Variants in ANKRD55 observed in about 807,000 individuals in gnomAD.
ANKRD55 encodes the protein ankyrin repeat domain-containing protein 55.
In ANKRD55, 41 loss-of-function variants were observed where a neutral mutation model predicts 60.6. The observed-to-expected ratio is 0.68, with a 90% CI of 0.53 to 0.88. ANKRD55 has a LOEUF of 0.88. Ranked by LOEUF, ANKRD55 falls within the 40% of genes least tolerant of loss-of-function variation. The pLI is 0.00. For synonymous variants in ANKRD55, 264 were observed against 290.3 expected (o/e 0.91, Z 0.92); for missense variants, 732 against 767.6 (o/e 0.95, Z 0.55).
chr5:56,205,788 T>G (rs1323434018), intron 2 of ANKRD55, among the ~76,000 whole-genome samples: 2 of 152,046 alleles, frequency 1.3e-5, no homozygotes, highest in Non-Finnish European at 2.9e-5. Context: ...AAAACAAGTG[T>G]AATTTGGGTG....
chr5:56,188,362 C>T (rs1420547690), intron 2 of ANKRD55, among the ~76,000 whole-genome samples: 1 of 132,720 alleles, frequency 7.5e-6, no homozygotes, highest in East Asian at 2.7e-4. Flanking sequence ...CGCCACCCCC[C>T]TACAACCAAA....
intron 2 of ANKRD55, among the ~76,000 whole-genome samples, chr5:56,187,445 C>G (rs575656318): frequency 6.6e-6 from 1 of 152,344 alleles, no homozygotes; most frequent in African/African-American, 2.4e-5. Flanking sequence ...GGTCACCTCC[C>G]TTTGTATGGG....
intron 11 of ANKRD55, 21 bp downstream of exon 11, chr5:56,102,473 C>A (rs758259759): frequency 1.3e-6 from 2 of 1,516,882 alleles, no homozygotes; most frequent in Non-Finnish European, 9.1e-7. Flanking sequence ...AAGGAAGCTG[C>A]GGAAGATTCA....
intron 7 of ANKRD55, among the ~76,000 whole-genome samples, chr5:56,140,164 C>A (rs578009142): frequency 3.3e-5 from 5 of 152,084 alleles, no homozygotes; most frequent in African/African-American, 1.2e-4. Flanking sequence ...TAAATGACAA[C>A]GGGAAATAGA....
intron 10 of ANKRD55, chr5:56,110,678 C>T (rs1293121491): frequency 5.1e-6 from 1 of 195,350 alleles, no homozygotes; most frequent in African/African-American, 2.3e-5. Flanking sequence ...CATGTGTCCA[C>T]ACAAGGCATG....
intron 3 of ANKRD55, among the ~76,000 whole-genome samples, chr5:56,178,488 GA>G (rs201181166): frequency 0.011 from 1,526 of 138,180 alleles, 28 homozygotes; most frequent in African/African-American, 0.036. Flanking sequence ...GTAGAAAATA[GA>G]AAAAAAAAAA....
intron 6 of ANKRD55, among the ~76,000 whole-genome samples, chr5:56,153,081 A>C (rs1758095876): frequency 6.6e-6 from 1 of 152,202 alleles, no homozygotes; most frequent in Non-Finnish European, 1.5e-5. Flanking sequence ...ACTCCTATAG[A>C]TCAATAAGAA....
At chr5:56,213,190 G>T (rs572309116) in intron 2 of ANKRD55, among the ~76,000 whole-genome samples, 1 of 152,096 alleles carries the variant, frequency 6.6e-6, no homozygotes, top group Non-Finnish European at 1.5e-5. Flanking sequence ...TTCAATCAAA[G>T]TTCCAACAAT....
At chr5:56,192,613 A>T in intron 2 of ANKRD55, 1 of 687,300 alleles carries the variant, frequency 1.5e-6, no homozygotes, top group Non-Finnish European at 2.5e-6. Context: ...GGTTTATTTT[A>T]TTTTCTCAGC....
chr5:56,162,673 AT>A (rs67231449), intron 5 of ANKRD55, among the ~76,000 whole-genome samples: 81 of 148,346 alleles, frequency 5.5e-4, no homozygotes, highest in East Asian at 3.6e-3. Context: ...TTTTTGGTCA[AT>A]TTTTTTTTTT....
chr5:56,104,843 G>A (rs1319669850), intron 10 of ANKRD55, among the ~76,000 whole-genome samples: 1 of 152,102 alleles, frequency 6.6e-6, no homozygotes, highest in Non-Finnish European at 1.5e-5. Context: ...GAGTAGTGCT[G>A]TGATAGAGTT....
intron 2 of ANKRD55, among the ~76,000 whole-genome samples, chr5:56,202,874 C>T (rs1759412467): frequency 6.6e-6 from 1 of 152,054 alleles, no homozygotes; most frequent in Admixed American, 6.6e-5. Context: ...TGAAGAGGAC[C>T]TGGGGAATGG....
chr5:56,142,700 C>A (rs1313656990), intron 7 of ANKRD55, among the ~76,000 whole-genome samples: 1 of 152,216 alleles, frequency 6.6e-6, no homozygotes, highest in Non-Finnish European at 1.5e-5. Context: ...GCCACCGCTA[C>A]AGTGGTGACC....
chr5:56,156,819 A>G (rs951191815), intron 6 of ANKRD55: 1 of 152,232 alleles, frequency 6.6e-6, no homozygotes, highest in African/African-American at 2.4e-5. Context: ...TTTTGCTTTA[A>G]ACCACTGAAG....
chr5:56,206,463 G>A (rs553878437), intron 2 of ANKRD55, among the ~76,000 whole-genome samples: 1 of 152,278 alleles, frequency 6.6e-6, no homozygotes, highest in East Asian at 1.9e-4. Context: ...TGAAATTTTG[G>A]TATGTTGCAT....
intron 2 of ANKRD55, chr5:56,193,313 G>A: frequency 9.9e-7 from 1 of 1,010,060 alleles, no homozygotes; most frequent in Non-Finnish European, 1.5e-6. Context: ...AGAAGCAGGA[G>A]ATTCCAGAGA....
At chr5:56,166,277 C>A (rs1758482712) in intron 5 of ANKRD55, among the ~76,000 whole-genome samples, 1 of 149,326 alleles carries the variant, frequency 6.7e-6, no homozygotes, top group African/African-American at 2.5e-5. Context: ...TTCCTTCCTT[C>A]CTTCGGGTCT....
chr5:56,107,400 T>C (rs1756514654), intron 10 of ANKRD55, among the ~76,000 whole-genome samples: 1 of 152,180 alleles, frequency 6.6e-6, no homozygotes, highest in African/African-American at 2.4e-5. Context: ...AGTTATTTCA[T>C]TGTGTAAGTG....
intron 2 of ANKRD55, among the ~76,000 whole-genome samples, chr5:56,200,681 G>A (rs1019902017): frequency 3.3e-5 from 5 of 152,184 alleles, no homozygotes; most frequent in Admixed American, 2.0e-4. Context: ...AAATTACCCA[G>A]AAGTTAGCTT....
Sources: allele counts gnomAD v4.1 joint callset (sites outside exome capture counted in the v4.1 genomes callset), GRCh38; gene constraint gnomAD v4.1.1; transcripts MANE v1.5; gene names NCBI Gene and HGNC (gene_info 2026-07-23, HGNC 2026-07-21).